TASOR2: variants seen among roughly 807,000 people sequenced by gnomAD.
TASOR2 encodes the protein transcription activation suppressor family member 2, also known as protein TASOR 2.
Under a neutral mutation model 199.5 loss-of-function variants are expected in TASOR2, and 84 were observed. The observed-to-expected ratio is 0.42, with a 90% CI of 0.35 to 0.50. TASOR2 has a LOEUF of 0.50. Among genes scored for constraint, TASOR2 ranks in the 20% least tolerant of loss-of-function variants. The pLI is 0.02. For synonymous variants in TASOR2, 1,103 were observed against 1,046.6 expected (o/e 1.05, Z -1.04); for missense variants, 2,796 against 2,835.9 (o/e 0.99, Z 0.32).
Position 5,698,020 on chromosome 10 carries a change from C to A in TASOR2, c.-288+12845C>A, listed in dbSNP as rs1229571808. Among the ~76,000 whole-genome samples, 6 of 152,164 alleles carry A rather than the reference C, an allele frequency of 3.9e-5. No individual in the cohort carries two copies. The highest frequency in any genetic ancestry group is 8.8e-5 in the Non-Finnish European group (6 of 68,028). ...AAGGTTGTGCAATGATCACCACTAC[C>A]AATTGCATTATTGACCCTAGTGCTT... On this transcript the variant is annotated intron_variant, in intron 1 of 20. Coordinates refer to ENST00000328090, the Ensembl canonical transcript of TASOR2. This position sits in a 1 kb window ranked among gnomAD's most constrained non-coding sequence, Gnocchi z 4.4.
At chr10:5,692,424 A>T (rs1245028875) in intron 1 of TASOR2, among the ~76,000 whole-genome samples, 1 of 152,146 alleles carries the variant, frequency 6.6e-6, no homozygotes, top group Non-Finnish European at 1.5e-5. Context: ...TGAGCTTTGT[A>T]AAATAATACT....
chr10:5,755,046 CA>C (rs34884255), intron 15 of TASOR2, among the ~76,000 whole-genome samples: 34,916 of 77,618 alleles, frequency 0.45, 4,373 homozygotes, highest in Middle Eastern at 0.58. Flanking sequence ...ACTCTTGTCT[CA>C]AAAAAAAAAA....
At chr10:5,705,450 A>G (rs1226627416) in intron 1 of TASOR2, among the ~76,000 whole-genome samples, 2 of 152,184 alleles carry the variant, frequency 1.3e-5, no homozygotes, top group African/African-American at 4.8e-5. Flanking sequence ...CTGAACATTC[A>G]TGTGCAAGTG....
exon 15 of TASOR2, chr10:5,747,276 T>C: frequency 6.2e-7 from 1 of 1,614,130 alleles, no homozygotes; most frequent in Non-Finnish European, 8.5e-7. Flanking sequence ...TTGACTTAGC[T>C]CTAACAATAT....
At chr10:5,692,786 C>G (rs1289438815) in intron 1 of TASOR2, 1 of 151,256 alleles carries the variant, frequency 6.6e-6, no homozygotes, top group East Asian at 2.0e-4. Context: ...CGCCGCCGGC[C>G]CCGCGCCCTA....
In TASOR2 at chr10:5,710,574, G is replaced by A. The variant is rs959241490; in HGVS notation, c.-287-2249G>A. Among the ~76,000 whole-genome samples, 2 of 152,066 alleles carry A rather than the reference G, an allele frequency of 1.3e-5. No homozygotes were observed. The highest frequency in any genetic ancestry group is 2.9e-5 in the Non-Finnish European group (2 of 67,928). On this transcript the variant is annotated intron_variant, in intron 1 of 20. Transcript: ENST00000328090. The surrounding 1 kb of genome is among the most constrained non-coding windows in gnomAD (Gnocchi z 4.6). The stretch of plus-strand genomic sequence containing the variant: ...CATGTATTTGGGAAACCCTGTATTA[G>A]TGTTTTTAATTGCACCATCTCTTCA...
At chr10:5,763,594 T>G (rs530849752) in exon 21 of TASOR2, 1 of 152,170 alleles carries the variant, frequency 6.6e-6, no homozygotes, top group East Asian at 1.9e-4. Context: ...GAGAAAGAAA[T>G]AATCATTTAT....
Position 5,736,186 on chromosome 10 carries a change from C to T in TASOR2, c.1447+640C>T, listed in dbSNP as rs192690336. ...CTGTAATCCCAGCACTTTGTGAGGC[C>T]GAGGTGGGTGGATCTTGAGGTCAGG... On this transcript the variant is annotated intron_variant, in intron 12 of 20. Coordinates refer to ENST00000328090, the Ensembl canonical transcript of TASOR2. Among the ~76,000 whole-genome samples, 451 of 152,068 alleles carry T rather than the reference C, an allele frequency of 3.0e-3. 9 individuals carry two copies. The highest frequency in any genetic ancestry group is 0.021 in the Admixed American group (321 of 15,272).
chr10:5,746,299 C>T lies in TASOR2; in HGVS notation c.2878C>T (p.Leu960=), dbSNP rs749160324. Residue 960 remains leucine (L), a synonymous_variant, in exon 15 of 21, where the codon CTG becomes TTG. Transcript: ENST00000328090. ...TAGTGAAGAAGAAATTGTTCAGCCA[C>T]TGGATAGCACAAGAGTGGCTTCTTA... 33 of 1,614,070 alleles carry T rather than the reference C, an allele frequency of 2.0e-5. No homozygotes were observed. In the Middle Eastern group the frequency reaches 1.5e-3, roughly 72 times the overall value.
In TASOR2 at chr10:5,719,805, G is replaced by A. The variant is rs1452923517; in HGVS notation, c.-99-739G>A. ...CTTGCTGGGCCCTGTCATAATAGAA[G>A]TATCTCAGTTTATAATTTACAACTG... On this transcript the variant is annotated intron_variant, in intron 3 of 20. Transcript: ENST00000328090. The surrounding 1 kb of genome is among the most constrained non-coding windows in gnomAD (Gnocchi z 4.1). Among the ~76,000 whole-genome samples the A allele has an allele frequency of 1.3e-5, 2 of 152,084 alleles. No homozygotes were observed. The highest frequency in any genetic ancestry group is 2.9e-5 in the Non-Finnish European group (2 of 68,016).
At chr10:5,715,834 G>A (rs1832557736) in intron 2 of TASOR2, among the ~76,000 whole-genome samples, 1 of 152,078 alleles carries the variant, frequency 6.6e-6, no homozygotes, top group South Asian at 2.1e-4. Context: ...GTAGCGACTG[G>A]GTTTCACCAT....
At chr10:5,697,480 T>A (rs1254017109) in intron 1 of TASOR2, among the ~76,000 whole-genome samples, 1 of 152,108 alleles carries the variant, frequency 6.6e-6, no homozygotes, top group Admixed American at 6.5e-5. Context: ...AGGAGCCATA[T>A]GGTATCAAGG....
At chr10:5,758,624 G>C (rs936074959) in intron 17 of TASOR2, among the ~76,000 whole-genome samples, 1 of 152,166 alleles carries the variant, frequency 6.6e-6, no homozygotes, top group African/African-American at 2.4e-5. Context: ...TTTGTACACA[G>C]AACTCTAGTT....
At chr10:5,723,281 TCCTGA>T (rs1833623899) in intron 6 of TASOR2, among the ~76,000 whole-genome samples, 1 of 151,818 alleles carries the variant, frequency 6.6e-6, no homozygotes, top group Non-Finnish European at 1.5e-5. Context: ...GGTCTCCATC[TCCTGA>T]CCTTCTGATC....
rs1400417518 is a variant in TASOR2 at position 5,710,722 on chromosome 10, CAG to C, written c.-287-2098_-287-2097del. Among the ~76,000 whole-genome samples, 1 of 152,048 alleles carries C rather than the reference CAG, an allele frequency of 6.6e-6. No individual in the cohort carries two copies. The highest frequency in any genetic ancestry group is 1.5e-5 in the Non-Finnish European group (1 of 67,920). On this transcript the variant is annotated intron_variant, in intron 1 of 20. Transcript: ENST00000328090. This position sits in a 1 kb window ranked among gnomAD's most constrained non-coding sequence, Gnocchi z 4.6. The stretch of plus-strand genomic sequence containing the variant: ...AGTTGATAATCACAGTCTTCATTTC[CAG>C]AGTTACTTTTTAAAATATTTCTTTC...
Position 5,687,342 on chromosome 10 carries a change from A to G in TASOR2, c.-288+2167A>G, listed in dbSNP as rs78147839. On this transcript the variant is annotated intron_variant, in intron 1 of 20. Transcript: ENST00000328090. This position sits in a 1 kb window ranked among gnomAD's most constrained non-coding sequence, Gnocchi z 4.8. Reference sequence around the variant, plus strand: ...TTTTAAACAGTTTTATCACCTATATAGATATCCTTAACTAGCATTGTTTAC... The same window carrying G: ...TTTTAAACAGTTTTATCACCTATATGGATATCCTTAACTAGCATTGTTTAC... 0.012 allele frequency among the ~76,000 whole-genome samples: 1,773 copies of G among 152,336 alleles called. 43 individuals are homozygous for G. The highest frequency in any genetic ancestry group is 0.041 in the African/African-American group (1,699 of 41,560).
intron 2 of TASOR2, 111 bp downstream of exon 3, chr10:5,714,318 G>C (rs774958942): frequency 1.8e-5 from 10 of 543,184 alleles, no homozygotes; most frequent in Non-Finnish European, 2.8e-5. Flanking sequence ...TTCATTAAAT[G>C]TCAAACAGTT....
Position 5,709,682 on chromosome 10 carries a change from G to A in TASOR2, c.-287-3141G>A, listed in dbSNP as rs1276590300. On this transcript the variant is annotated intron_variant, in intron 1 of 20. Transcript: ENST00000328090. ...GAAAAGAGTGGGTATTAAACTAAGT[G>A]CTATAAGTCATAACTAATGAATCCA... is the stretch of plus-strand genomic sequence containing the variant. 6 of 1,229,348 alleles carry A rather than the reference G, an allele frequency of 4.9e-6. No homozygotes were observed. In the East Asian group the frequency reaches 1.6e-4, roughly 32 times the overall value. 76.2% of individuals were successfully genotyped at this position (1,229,348 alleles called of 1,614,324 possible). A position where few individuals can be genotyped will look rare whatever the true frequency, so the allele number is the denominator to read the frequency against.
At chr10:5,715,232 T>A (rs76152472) in intron 2 of TASOR2, among the ~76,000 whole-genome samples, 5 of 87,886 alleles carry the variant, frequency 5.7e-5, no homozygotes, top group Admixed American at 2.2e-4. Flanking sequence ...TTTTTTTTTT[T>A]TAAAAAAAAA....
Sources: allele counts gnomAD v4.1 joint callset (sites outside exome capture counted in the v4.1 genomes callset), GRCh38; gene constraint gnomAD v4.1.1; non-coding constraint Gnocchi (gnomAD v3.1); transcripts MANE v1.5; gene names NCBI Gene and HGNC (gene_info 2026-07-23, HGNC 2026-07-21).